ZC3H18: variants seen among roughly 807,000 people sequenced by gnomAD.
ZC3H18 encodes the protein zinc finger CCCH-type containing 18, also known as zinc finger CCCH domain-containing protein 18.
In ZC3H18, 8 loss-of-function variants were observed where a neutral mutation model predicts 106.1. That is an observed-to-expected ratio of 0.08 (90% CI 0.04 to 0.14). The LOEUF is 0.14. Ranked by LOEUF, ZC3H18 falls within the 10% of genes least tolerant of loss-of-function variation. ZC3H18 has a pLI of 1.00. For missense variants in ZC3H18, 1,318 were observed against 1,278.4 expected, an observed-to-expected ratio of 1.03 and a Z score of -0.47; for synonymous variants, 635 against 522.1, an observed-to-expected ratio of 1.22 and a Z score of -2.95.
intron 3 of ZC3H18, among the ~76,000 whole-genome samples, chr16:88,597,954 T>A (rs534490612): frequency 6.6e-6 from 1 of 152,344 alleles, no homozygotes; most frequent in African/African-American, 2.4e-5. Context: ...CCGAGGTGCC[T>A]GGCAGCCTCT....
chr16:88,580,072 C>A (rs898964487), intron 2 of ZC3H18, among the ~76,000 whole-genome samples: 1 of 152,076 alleles, frequency 6.6e-6, no homozygotes, highest in Non-Finnish European at 1.5e-5. Context: ...GTTTCAGGCT[C>A]CTCCATCCTT....
intron 6 of ZC3H18, among the ~76,000 whole-genome samples, chr16:88,606,469 T>C (rs1442855748): frequency 6.6e-6 from 1 of 152,230 alleles, no homozygotes; most frequent in Admixed American, 6.5e-5. Context: ...AAGTACAGTT[T>C]CCCAAAAACA....
chr16:88,630,329 T>A, intron 16 of ZC3H18, 156 bp from the exon 17 acceptor site: 1 of 599,070 alleles, frequency 1.7e-6, no homozygotes, highest in Non-Finnish European at 2.9e-6. Context: ...TCTCTTCTCC[T>A]ACTTGGCTCT....
At chr16:88,597,499 T>A (rs1277125514) in intron 3 of ZC3H18, among the ~76,000 whole-genome samples, 4 of 152,208 alleles carry the variant, frequency 2.6e-5, no homozygotes, top group Non-Finnish European at 5.9e-5. Context: ...AAGTACATTT[T>A]AAAAAAGTGA....
chr16:88,573,273 C>T (rs1037961178), intron 1 of ZC3H18, among the ~76,000 whole-genome samples: 5 of 151,982 alleles, frequency 3.3e-5, no homozygotes, highest in Non-Finnish European at 5.9e-5. Flanking sequence ...ACCTGCCCTT[C>T]TATGAGGAAG....
intron 2 of ZC3H18, among the ~76,000 whole-genome samples, chr16:88,586,139 G>A (rs1294458774): frequency 6.6e-6 from 1 of 152,154 alleles, no homozygotes; most frequent in Non-Finnish European, 1.5e-5. Context: ...GAGCCTCAAG[G>A]CGGGCCACTC....
At chr16:88,596,194 C>T (rs763599805) in intron 3 of ZC3H18, among the ~76,000 whole-genome samples, 1 of 152,214 alleles carries the variant, frequency 6.6e-6, no homozygotes, top group Admixed American at 6.5e-5. Flanking sequence ...GGTTTGTTCT[C>T]TTCTGCCTTG....
rs1277149697 is a variant in ZC3H18 at position 88,624,075 on chromosome 16, C to G, written c.1898+13C>G. The G allele has an allele frequency of 6.2e-7, 1 of 1,613,102 alleles. No individual in the cohort carries two copies. The highest frequency in any genetic ancestry group is 8.5e-7 in the Non-Finnish European group (1 of 1,179,600). ...CCGGGAAAGCAGGGTGAGTGCCCAG[C>G]CTGTGGGCAAGTCCTGGCCGGCCAG... On this transcript the variant is annotated intron_variant, in intron 11 of 17. Coordinates refer to ENST00000301011, the MANE Select transcript of ZC3H18 (RefSeq NM_144604.4).
rs371354868 is a variant in ZC3H18 at position 88,623,202 on chromosome 16, C to T, written c.1668-17C>T. 10 of 1,609,886 alleles carry T rather than the reference C, an allele frequency of 6.2e-6. No individual in the cohort carries two copies. The highest frequency in any genetic ancestry group is 1.6e-4 in the Middle Eastern group (1 of 6,072). On this transcript the variant is annotated splice_polypyrimidine_tract_variant and intron_variant, in intron 9 of 17. Transcript: ENST00000301011. ...GCCCTTCTCACTTCTCGCCACGCTC[C>T]GTCCCGCCCGCCCCAGGTCGTCTTC...
intron 6 of ZC3H18, among the ~76,000 whole-genome samples, chr16:88,607,683 C>A (rs996343184): frequency 6.6e-6 from 1 of 151,682 alleles, no homozygotes; most frequent in African/African-American, 2.4e-5. Context: ...TATTCACACA[C>A]GCTTCATGTC....
chr16:88,629,203 G>A (rs553609599), intron 16 of ZC3H18, among the ~76,000 whole-genome samples: 7 of 152,250 alleles, frequency 4.6e-5, no homozygotes, highest in South Asian at 2.1e-4. Flanking sequence ...GGCCGGGCGC[G>A]GTAGCTCATG....
At chr16:88,576,337 T>C (rs1444582788) in intron 1 of ZC3H18, among the ~76,000 whole-genome samples, 1 of 152,192 alleles carries the variant, frequency 6.6e-6, no homozygotes, top group Non-Finnish European at 1.5e-5. Context: ...CCACCGTACC[T>C]GGCCAGCCTC....
chr16:88,601,717 G>A (rs1392190072), intron 6 of ZC3H18, among the ~76,000 whole-genome samples: 1 of 152,148 alleles, frequency 6.6e-6, no homozygotes, highest in Non-Finnish European at 1.5e-5. Flanking sequence ...TGAAAGCCAG[G>A]TATTTCTGTA....
chr16:88,580,430 A>G lies in ZC3H18; in HGVS notation c.603+2704A>G, dbSNP rs796896146. ...GTCCACGCTCAAGAGCCAGTCACAG[A>G]TGGAAGGGAGTTCACGTGAGCAGCA... On this transcript the variant is annotated intron_variant, in intron 2 of 17. Coordinates refer to ENST00000301011, the MANE Select transcript of ZC3H18 (RefSeq NM_144604.4). Among the ~76,000 whole-genome samples, 14 of 152,256 alleles carry G rather than the reference A, an allele frequency of 9.2e-5. No homozygotes were observed. In the South Asian group the frequency reaches 2.7e-3, roughly 29 times the overall value.
intron 13 of ZC3H18, chr16:88,625,644 C>A: frequency 4.4e-6 from 1 of 229,448 alleles, no homozygotes; most frequent in South Asian, 6.4e-5. Context: ...TCACACCTGT[C>A]GAGGGAACCG....
At chr16:88,619,364 G>A (rs1905816839) in intron 8 of ZC3H18, among the ~76,000 whole-genome samples, 1 of 152,258 alleles carries the variant, frequency 6.6e-6, no homozygotes, top group South Asian at 2.1e-4. Flanking sequence ...GGACTTGCTG[G>A]ATAGGACCTC....
intron 1 of ZC3H18, among the ~76,000 whole-genome samples, chr16:88,572,102 C>A (rs535765072): frequency 1.5e-4 from 23 of 152,344 alleles, no homozygotes; most frequent in African/African-American, 5.5e-4. Context: ...AGGTGAGACT[C>A]TGACTTGCAG....
At chr16:88,624,577 C>G (rs753166889) in intron 11 of ZC3H18, 25 bp from the exon 12 acceptor site, 1 of 1,613,564 alleles carries the variant, frequency 6.2e-7, no homozygotes, top group Non-Finnish European at 8.5e-7. Context: ...CAGCCCTGCC[C>G]TGCTCGAGCC....
At position 88,599,814 on chromosome 16, in the gene ZC3H18, A is replaced by T; in HGVS notation, c.954A>T (p.Arg318=). 6.2e-7 allele frequency: 1 copy of T among 1,609,900 alleles called. No individual in the cohort carries two copies. Among genetic ancestry groups the T allele is most frequent in the Non-Finnish European group, 8.5e-7 (1 of 1,178,868 alleles). ...AKEVLKKATI[R]KEQEPDFEEK... ...AGGTTTTAAAAAAAGCAACTATTCG[A>T]AAAGAACAGGAGCCTGATTTTGAAG... The change falls in exon 6 of 18, where the codon CGA becomes CGT. Residue 318 remains arginine (R), a synonymous_variant. Coordinates refer to ENST00000301011, the MANE Select transcript of ZC3H18 (RefSeq NM_144604.4).
Sources: gnomAD v4.1 joint callset for allele counts (sites outside exome capture counted in the v4.1 genomes callset) on GRCh38, gnomAD v4.1.1 for gene constraint, MANE v1.5 for transcripts, NCBI Gene and HGNC (gene_info 2026-07-23, HGNC 2026-07-21) for gene names.